Variants in BBS2 observed in about 807,000 individuals in gnomAD.
BBS2 encodes BBSome complex member BBS2.
Under a neutral mutation model 83.0 loss-of-function variants are expected in BBS2, and 62 were observed. The observed-to-expected ratio is 0.75, with a 90% confidence interval of 0.61 to 0.92. BBS2 has a LOEUF of 0.92. BBS2 is among the 40% of genes least tolerant of loss of function. The pLI is 0.00. For missense variants in BBS2, 784 were observed against 901.0 expected, an observed-to-expected ratio of 0.87 and a Z score of 1.66; for synonymous variants, 303 against 326.1, an observed-to-expected ratio of 0.93 and a Z score of 0.76.
At chr16:56,474,764 T>A (rs1293253026) in intron 17 of BBS2, 4 of 1,375,230 alleles carry the variant, frequency 2.9e-6, no homozygotes, top group African/African-American at 2.9e-5. Context: ...TATGATTCCC[T>A]TGCAATCCAA....
At chr16:56,472,916 C>G (rs1473953592) in intron 17 of BBS2, among the ~76,000 whole-genome samples, 1 of 148,826 alleles carries the variant, frequency 6.7e-6, no homozygotes, top group African/African-American at 2.4e-5. Flanking sequence ...AGCAGTTTTG[C>G]TTTTTTTGTT....
intron 2 of BBS2, 83 bp downstream of exon 2, chr16:56,514,370 A>G (rs1289955457): frequency 7.5e-7 from 1 of 1,326,968 alleles, no homozygotes; most frequent in Non-Finnish European, 1.1e-6. Context: ...ACAGACCAAA[A>G]TAAATGATCT....
rs781633923 is a variant in BBS2, at chr16:56,500,970, G to A, written c.1281C>T (p.Ser427=). 1 of 1,613,962 alleles carries A rather than the reference G, an allele frequency of 6.2e-7. No homozygotes were observed. Among genetic ancestry groups the A allele is most frequent in the African/African-American group, 1.3e-5 (1 of 74,886 alleles). Residue 427 remains serine (S), a synonymous_variant, in exon 11 of 17, where the codon AGC becomes AGT. Coordinates refer to ENST00000245157, the MANE Select transcript of BBS2 (RefSeq NM_031885.5). The stretch of plus-strand genomic sequence containing the variant: ...TGTGAATGCTGGGATGTACCACGTG[G>A]CTTTCACCTGTAAAAATTCCTTCTG... The part of the protein sequence containing the change: ...IFAEGIFTGE[S]HVVHPSIHNL...
chr16:56,498,314 C>T, intron 13 of BBS2, 123 bp downstream of exon 13: 4 of 1,280,632 alleles, frequency 3.1e-6, no homozygotes, highest in East Asian at 2.4e-5. Flanking sequence ...ATGTCCCCCA[C>T]CTCACTTTGG....
chr16:56,480,369 A>AAAAAAAAAC (rs1963639894), downstream of BBS2, among the ~76,000 whole-genome samples: 1 of 145,376 alleles, frequency 6.9e-6, no homozygotes, highest in African/African-American at 2.5e-5. Flanking sequence ...AAAAAAACAA[A>AAAAAAAAAC]AAAAAAAACA....
chr16:56,487,025 A>C (rs1305714113), intron 15 of BBS2, among the ~76,000 whole-genome samples: 2 of 152,108 alleles, frequency 1.3e-5, no homozygotes, highest in Non-Finnish European at 2.9e-5. Flanking sequence ...TGGCCTCCCA[A>C]AATGCTGGGA....
intron 1 of BBS2, chr16:56,516,261 T>G: frequency 6.6e-6 from 1 of 152,196 alleles, no homozygotes; most frequent in Admixed American, 6.5e-5. Flanking sequence ...AAGGACTTGC[T>G]GAAGTTCACA....
intron 15 of BBS2, among the ~76,000 whole-genome samples, chr16:56,496,362 G>A (rs1482828895): frequency 6.6e-6 from 1 of 152,098 alleles, no homozygotes; most frequent in African/African-American, 2.4e-5. Context: ...GTTTCCCAAT[G>A]TGTTTTTTCT....
intron 2 of BBS2, among the ~76,000 whole-genome samples, chr16:56,513,112 A>T (rs1209256054): frequency 6.6e-6 from 1 of 152,204 alleles, no homozygotes; most frequent in Non-Finnish European, 1.5e-5. Flanking sequence ...TGATCATGCC[A>T]CTGCACTCCA....
At chr16:56,488,728 G>A (rs1963857814) in intron 15 of BBS2, among the ~76,000 whole-genome samples, 1 of 152,108 alleles carries the variant, frequency 6.6e-6, no homozygotes, top group Non-Finnish European at 1.5e-5. Flanking sequence ...ACTCCCTGGA[G>A]GTTGGGAGAG....
chr16:56,516,316 C>T (rs536302652), intron 1 of BBS2, among the ~76,000 whole-genome samples: 1 of 152,330 alleles, frequency 6.6e-6, no homozygotes, highest in South Asian at 2.1e-4. Context: ...ATAAATTCAA[C>T]TGACCCCTAA....
At chr16:56,511,029 C>A in intron 3 of BBS2, 108 bp from the exon 4 acceptor site, 1 of 1,558,030 alleles carries the variant, frequency 6.4e-7, no homozygotes, top group South Asian at 1.1e-5. Context: ...GAATGCTATT[C>A]GAATTATTCA....
chr16:56,512,361 C>T (rs1233362998), intron 2 of BBS2, among the ~76,000 whole-genome samples: 1 of 152,082 alleles, frequency 6.6e-6, no homozygotes, highest in Non-Finnish European at 1.5e-5. Flanking sequence ...TAAATTAAAA[C>T]ATATATCTAC....
At position 56,514,480 on chromosome 16, in the gene BBS2, G is replaced by T. The variant is rs1964675433; in HGVS notation, c.318C>A (p.Tyr106Ter). 6.2e-7 allele frequency: 1 copy of T among 1,613,960 alleles called. No homozygotes were observed. Among genetic ancestry groups the T allele is most frequent in the Non-Finnish European group, 8.5e-7 (1 of 1,179,978 alleles). ...CTCTGTAGAACAAATCCGAATTATT[G>T]TAGACATCATAAGCCAAAAGATTAG... ...TQTNLLAYDV[Y>*]NNSDLFYREV... Residue 106 changes from tyrosine (Y) to a stop codon, truncating the protein, a stop_gained, in exon 2 of 17, where the codon TAC becomes TAA. Coordinates refer to ENST00000245157, the MANE Select transcript of BBS2 (RefSeq NM_031885.5). LOFTEE classifies it high-confidence loss of function.
At chr16:56,496,352 G>A (rs536592719) in intron 15 of BBS2, among the ~76,000 whole-genome samples, 1 of 152,266 alleles carries the variant, frequency 6.6e-6, no homozygotes, top group South Asian at 2.1e-4. Flanking sequence ...CAGACAGGAA[G>A]TTTCCCAATG....
chr16:56,503,905 CG>C (rs1254753340), intron 7 of BBS2, among the ~76,000 whole-genome samples: 1 of 145,200 alleles, frequency 6.9e-6, no homozygotes, highest in Non-Finnish European at 1.5e-5. Flanking sequence ...GGTGACAAAG[CG>C]AGACTCCAGT....
intron 17 of BBS2, among the ~76,000 whole-genome samples, chr16:56,475,817 A>T (rs781584730): frequency 4.6e-5 from 7 of 152,228 alleles, no homozygotes; most frequent in Non-Finnish European, 1.0e-4. Flanking sequence ...AAATCTTACA[A>T]TGTAGTAAGA....
chr16:56,475,044 T>G, intron 17 of BBS2: 1 of 1,348,796 alleles, frequency 7.4e-7, no homozygotes, highest in Non-Finnish European at 1.0e-6. Flanking sequence ...TCATAAGTAA[T>G]TTGCCTAGTT....
chr16:56,495,993 A>G (rs1345589034), intron 15 of BBS2, among the ~76,000 whole-genome samples: 7 of 152,096 alleles, frequency 4.6e-5, no homozygotes. Flanking sequence ...AAATCATTAT[A>G]TTTAAGTACT....
Sources: allele counts gnomAD v4.1 joint callset (sites outside exome capture counted in the v4.1 genomes callset), GRCh38; gene constraint gnomAD v4.1.1; transcripts MANE v1.5; gene names NCBI Gene and HGNC (gene_info 2026-07-23, HGNC 2026-07-21).